The following ERLIN2 variants were observed in gnomAD, a reference collection of about 807,000 sequenced individuals.
The protein encoded by ERLIN2 is erlin-2.
ERLIN2 carries 22 observed loss-of-function variants against 41.5 expected under a neutral mutation model. The ratio of observed to expected loss-of-function variants is 0.53; its 90% confidence interval spans 0.38 to 0.76. ERLIN2 has a LOEUF of 0.76. ERLIN2 is among the 30% of genes least tolerant of loss of function. ERLIN2 has a pLI of 0.00. For synonymous variants in ERLIN2, 149 were observed against 150.9 expected (o/e 0.99, Z 0.09); for missense variants, 247 against 414.3 (o/e 0.60, Z 3.51).
At chr8:37,744,131 T>C (rs1802951894) in intron 4 of ERLIN2, among the ~76,000 whole-genome samples, 2 of 152,244 alleles carry the variant, frequency 1.3e-5, no homozygotes, top group Admixed American at 1.3e-4. Flanking sequence ...GTCTCATTCA[T>C]GTCTTTGTAG....
rs2129740367 is a variant in ERLIN2, at chr8:37,756,681, C to T, written c.*2566C>T. Reference sequence around the variant, plus strand: ...TATTTGCATAGGACAACTAACCTGTCTGTGTAACTTTGTTTTTATTTTAAC... The same window carrying T: ...TATTTGCATAGGACAACTAACCTGTTTGTGTAACTTTGTTTTTATTTTAAC... On this transcript the variant is annotated 3_prime_UTR_variant, in exon 12 of 12. Coordinates refer to ENST00000519638, the MANE Select transcript of ERLIN2 (RefSeq NM_007175.8). The T allele has an allele frequency of 6.5e-6, 1 of 152,720 alleles. No individual in the cohort carries two copies. Among genetic ancestry groups the T allele is most frequent in the South Asian group, 2.1e-4 (1 of 4,830 alleles). 9.5% of individuals were successfully genotyped at this position (152,720 alleles called of 1,614,324 possible). A position where few individuals can be genotyped will look rare whatever the true frequency, so the allele number is the denominator to read the frequency against.
chr8:37,749,170 T>C (rs1403159559), intron 6 of ERLIN2, among the ~76,000 whole-genome samples: 1 of 152,202 alleles, frequency 6.6e-6, no homozygotes, highest in Non-Finnish European at 1.5e-5. Context: ...TCTTGGAAAC[T>C]GTGAACCTTC....
rs750529062 is a variant in ERLIN2 at position 37,749,776 on chromosome 8, G to A, written c.499-18G>A. 1 of 1,613,808 alleles carries A rather than the reference G, an allele frequency of 6.2e-7. No homozygotes were observed. Among genetic ancestry groups the A allele is most frequent in the Non-Finnish European group, 8.5e-7 (1 of 1,179,706 alleles). On this transcript the variant is annotated intron_variant, in intron 7 of 11. Transcript: ENST00000519638. Reference sequence around the variant, plus strand: ...TACCCTCACTTTCCCATCAGCTGCTGTTTTAATCTCTCTCCAGGCTGTGCG... The same window carrying A: ...TACCCTCACTTTCCCATCAGCTGCTATTTTAATCTCTCTCCAGGCTGTGCG...
chr8:37,738,414 C>T (rs1351784389), intron 2 of ERLIN2, among the ~76,000 whole-genome samples: 2 of 150,598 alleles, frequency 1.3e-5, no homozygotes, highest in African/African-American at 5.0e-5. Flanking sequence ...ATCCCTCTGG[C>T]AGTCTTAGCT....
At chr8:37,753,378 T>C (rs1017467773) in intron 10 of ERLIN2, 72 bp from the exon 11 acceptor site, 30 of 1,277,226 alleles carry the variant, frequency 2.3e-5, no homozygotes, top group Non-Finnish European at 3.4e-5. Flanking sequence ...AGTCTTCCCA[T>C]AGCCTCTGCA....
intron 1 of ERLIN2, chr8:37,737,635 A>G (rs932941863): frequency 2.2e-5 from 10 of 456,870 alleles, no homozygotes; most frequent in Admixed American, 1.4e-4. Context: ...TCTGAACCCT[A>G]CCCAGCTGGC....
At chr8:37,750,323 A>T in intron 8 of ERLIN2, 72 bp from the exon 9 acceptor site, 4 of 1,213,786 alleles carry the variant, frequency 3.3e-6, no homozygotes, top group Non-Finnish European at 4.8e-6. Context: ...CAGCAGAAGA[A>T]TTCGACTTAC....
rs940718654 is a variant in ERLIN2, at chr8:37,750,446, G to A, written c.609G>A (p.Val203=). The change falls in exon 9 of 12, where the codon GTG becomes GTA. Residue 203 remains valine, a synonymous_variant. Transcript: ENST00000519638. Reference sequence around the variant, plus strand: ...TTGCCGCCCAGAAACAGAAGGTGGTGGAAAAGGAAGCAGAGACAGAGCGGA... The same window carrying A: ...TTGCCGCCCAGAAACAGAAGGTGGTAGAAAAGGAAGCAGAGACAGAGCGGA... The part of the protein sequence containing the change: ...LLIAAQKQKV[V]EKEAETERKK... 3 of 1,613,704 alleles carry A rather than the reference G, an allele frequency of 1.9e-6. No individual in the cohort carries two copies. The highest frequency in any genetic ancestry group is 2.5e-6 in the Non-Finnish European group (3 of 1,179,988).
At chr8:37,742,973 G>A (rs1018585189) in intron 4 of ERLIN2, among the ~76,000 whole-genome samples, 4 of 152,188 alleles carry the variant, frequency 2.6e-5, no homozygotes, top group East Asian at 1.9e-4. Context: ...AAAGAGATCC[G>A]AAGAGAACAC....
chr8:37,749,884 C>T (rs1330730140), intron 8 of ERLIN2, 32 bp downstream of exon 8: 1 of 1,571,054 alleles, frequency 6.4e-7, no homozygotes, highest in Non-Finnish European at 8.8e-7. Flanking sequence ...GCTGTGACCA[C>T]CACTGCCTCC....
chr8:37,753,377 A>G, intron 10 of ERLIN2, 73 bp from the exon 11 acceptor site: 3 of 1,274,354 alleles, frequency 2.4e-6, no homozygotes, highest in South Asian at 2.4e-5. Flanking sequence ...GAGTCTTCCC[A>G]TAGCCTCTGC....
At chr8:37,739,571 G>A (rs1802779689) in intron 2 of ERLIN2, among the ~76,000 whole-genome samples, 1 of 151,980 alleles carries the variant, frequency 6.6e-6, no homozygotes, top group East Asian at 1.9e-4. Context: ...CGCCTCCCAG[G>A]TTCAAGCAAT....
At position 37,744,385 on chromosome 8, in the gene ERLIN2, T is replaced by A. The variant is rs1417156117; in HGVS notation, c.267T>A (p.Ile89=). 1 of 1,614,048 alleles carries A rather than the reference T, an allele frequency of 6.2e-7. No homozygotes were observed. The highest frequency in any genetic ancestry group is 1.3e-5 in the African/African-American group (1 of 74,936). The change falls in exon 5 of 12, where the codon ATT becomes ATA. Residue 89 remains isoleucine, a synonymous_variant. Coordinates refer to ENST00000519638, the MANE Select transcript of ERLIN2 (RefSeq NM_007175.8). ...SGGVMIYFDR[I]EVVNFLVPNA... ...GTGTGATGATCTACTTTGACAGAAT[T>A]GAAGTGGTGAACTTCCTGGTCCCGA...
intron 6 of ERLIN2, chr8:37,745,575 A>C (rs146659842): frequency 6.2e-7 from 1 of 1,614,014 alleles, no homozygotes; most frequent in African/African-American, 1.3e-5. Context: ...CTAGGACTGG[A>C]AAATGATTTT....
At chr8:37,746,577 A>G (rs1161239886) in intron 6 of ERLIN2, 2 of 929,888 alleles carry the variant, frequency 2.2e-6, no homozygotes, top group African/African-American at 3.6e-5. Context: ...ACTATCATTT[A>G]TTAATCTATA....
At chr8:37,737,071 C>A in intron 1 of ERLIN2, 1 of 794,296 alleles carries the variant, frequency 1.3e-6, no homozygotes, top group Non-Finnish European at 1.5e-6. Flanking sequence ...GCAGAATCCA[C>A]GCCCTGCGCT....
At position 37,747,923 on chromosome 8, in the gene ERLIN2, G is replaced by A. The variant is rs564324393; in HGVS notation, c.425-1636G>A. 136 of 1,614,174 alleles carry A rather than the reference G, an allele frequency of 8.4e-5. 1 individual carries two copies. In the South Asian group the frequency reaches 1.4e-3, roughly 16 times the overall value. On this transcript the variant is annotated intron_variant, in intron 6 of 11. Transcript: ENST00000519638. Reference sequence around the variant, plus strand: ...TGGCCGCACAAACAGTAGTACACATGGAGGGGCTTCTCGCCGTCGTCATAT... The same window carrying A: ...TGGCCGCACAAACAGTAGTACACATAGAGGGGCTTCTCGCCGTCGTCATAT...
Position 37,754,463 on chromosome 8 carries a change from T to C in ERLIN2, c.*348T>C. 2.9e-6 allele frequency: 1 copy of C among 346,264 alleles called. No individual in the cohort carries two copies. The highest frequency in any genetic ancestry group is 2.1e-5 in the African/African-American group (1 of 47,036). The allele number at this position is 346,264 out of a possible 1,614,324, so 21.4% of individuals were successfully genotyped here. On this transcript the variant is annotated 3_prime_UTR_variant, in exon 12 of 12. Coordinates refer to ENST00000519638, the MANE Select transcript of ERLIN2 (RefSeq NM_007175.8). ...TGTAGAGTGTTACCTCCAACTCATTTGATTTCCCTTACTTGGGAAAATGCA... is the reference window on the plus strand; with the variant it reads ...TGTAGAGTGTTACCTCCAACTCATTCGATTTCCCTTACTTGGGAAAATGCA...
chr8:37,738,248 G>A (rs1802724711), intron 2 of ERLIN2, among the ~76,000 whole-genome samples: 1 of 152,240 alleles, frequency 6.6e-6, no homozygotes, highest in Non-Finnish European at 1.5e-5. Flanking sequence ...AGTCCAAGAT[G>A]ATGCCATGGG....
Sources: gnomAD v4.1 joint callset for allele counts (sites outside exome capture counted in the v4.1 genomes callset) on GRCh38, gnomAD v4.1.1 for gene constraint, MANE v1.5 for transcripts, NCBI Gene and HGNC (gene_info 2026-07-23, HGNC 2026-07-21) for gene names.